The following COL12A1 variants were observed in gnomAD, a reference collection of about 807,000 sequenced individuals.
The protein encoded by COL12A1 is collagen alpha-1(XII) chain.
A neutral mutation model predicts 349.7 loss-of-function variants in COL12A1; 114 were observed. The ratio of observed to expected loss-of-function variants is 0.33; its 90% CI spans 0.28 to 0.38. The LOEUF is 0.38. Among genes scored for constraint, COL12A1 ranks in the 10% least tolerant of loss-of-function variants. COL12A1 has a pLI of 1.00. For synonymous variants in COL12A1, 1,369 were observed against 1,329.0 expected, an observed-to-expected ratio of 1.03 and a Z score of -0.66; for missense variants, 3,284 against 3,756.9, an observed-to-expected ratio of 0.87 and a Z score of 3.29.
chr6:75,089,966 G>T, intron 63 of COL12A1, 144 bp downstream of exon 63: 2 of 745,516 alleles, frequency 2.7e-6, no homozygotes, highest in Non-Finnish European at 4.5e-6. Context: ...CCTATGAGTT[G>T]CCTAACAGCT....
Position 75,102,330 on chromosome 6 carries a change from G to A in COL12A1, c.8415+267C>T, listed in dbSNP as rs981945762. On this transcript the variant is annotated intron_variant, in intron 56 of 65. Transcript: ENST00000322507. ...ATTATACCTACCTTAAAAGAATATA[G>A]TTTAACATAGGGGATATCTACTTTA... Among the ~76,000 whole-genome samples, 4 of 152,134 alleles carry A rather than the reference G, an allele frequency of 2.6e-5. No individual in the cohort carries two copies. The East Asian group carries it at 5.8e-4, about 22-fold the overall frequency.
At chr6:75,183,028 T>A in intron 10 of COL12A1, 22 bp downstream of exon 10, 1 of 1,557,220 alleles carries the variant, frequency 6.4e-7, no homozygotes, top group South Asian at 1.2e-5. Context: ...AGAAATAACT[T>A]TTACTCTCAA....
chr6:75,156,952 T>C (rs1767799536), intron 14 of COL12A1, among the ~76,000 whole-genome samples: 1 of 152,164 alleles, frequency 6.6e-6, no homozygotes, highest in Non-Finnish European at 1.5e-5. Flanking sequence ...TTGCAATCCA[T>C]AAATAACTAG....
chr6:75,142,492 T>C (rs1766949363), intron 26 of COL12A1, among the ~76,000 whole-genome samples: 2 of 152,244 alleles, frequency 1.3e-5, no homozygotes, highest in South Asian at 4.1e-4. Flanking sequence ...ACAGCATTAC[T>C]TCATTTGCTA....
chr6:75,154,668 A>G (rs1767665076), intron 16 of COL12A1, 131 bp from the exon 17 acceptor site: 2 of 837,824 alleles, frequency 2.4e-6, no homozygotes, highest in Non-Finnish European at 3.3e-6. Flanking sequence ...AGTGTACAAC[A>G]TTATAAGAGA....
chr6:75,183,832 A>T (rs1294223705), intron 9 of COL12A1, 22 bp downstream of exon 9: 1 of 1,609,440 alleles, frequency 6.2e-7, no homozygotes, highest in South Asian at 1.1e-5. Flanking sequence ...TTCCAAATAC[A>T]ATGATGCACA....
intron 10 of COL12A1, 25 bp downstream of exon 10, chr6:75,183,025 A>G: frequency 6.4e-7 from 1 of 1,551,892 alleles, no homozygotes; most frequent in Non-Finnish European, 8.7e-7. Flanking sequence ...TGAAGAAATA[A>G]CTTTTACTCT....
chr6:75,106,893 C>CTTTTTTTTTTTTTTTTTTTT (rs1554169054), intron 52 of COL12A1, among the ~76,000 whole-genome samples: 1 of 89,468 alleles, frequency 1.1e-5, no homozygotes, highest in African/African-American at 3.8e-5. Context: ...TTTCTTTTTT[C>CTTTTTTTTTTTTTTTTTTTT]TTTTTCTTTT....
intron 30 of COL12A1, among the ~76,000 whole-genome samples, chr6:75,137,821 TG>T (rs1444506886): frequency 9.9e-5 from 15 of 152,078 alleles, no homozygotes; most frequent in Middle Eastern, 6.8e-3. Flanking sequence ...TATTGAGAGA[TG>T]GGGCCTTTGG....
At chr6:75,189,846 T>C in intron 5 of COL12A1, 31 bp from the exon 6 acceptor site, 4 of 1,601,362 alleles carry the variant, frequency 2.5e-6, no homozygotes, top group African/African-American at 1.3e-5. Context: ...TTTTAAATGA[T>C]GCTTTATTAA....
chr6:75,102,658 G>A lies in COL12A1; in HGVS notation c.8354C>T (p.Pro2785Leu), dbSNP rs1160043441. Reference sequence around the variant, plus strand: ...AGGGCCTGGAGGACCCTGGGGGCCTGGAGGACCTATGTCTCCACGAGGACC... The same window carrying A: ...AGGGCCTGGAGGACCCTGGGGGCCTAGAGGACCTATGTCTCCACGAGGACC... The part of the protein sequence containing the change: ...PPGPRGDIGP[P>L]GPQGPPGPQG... Residue 2785 changes from proline to leucine, a missense_variant, in exon 56 of 66, where the codon CCA becomes CTA. By Grantham distance (98) the Pro-to-Leu change is moderately conservative. This residue lies in a region of COL12A1 where 683 missense variants were observed against 932.1 expected (regional missense o/e 0.73). Transcript: ENST00000322507. The A allele has an allele frequency of 3.2e-6, 5 of 1,571,800 alleles. No individual in the cohort carries two copies. The highest frequency in any genetic ancestry group is 4.3e-6 in the Non-Finnish European group (5 of 1,160,320).
chr6:75,128,393 T>C lies in COL12A1; in HGVS notation c.6243A>G (p.Ile2081Met), dbSNP rs1766123299. ...GAGTGTCAGGTTGCAGGGGCTGCAG[T>C]ATTACATTGTTTCTTCTGCCTGGGA... ...TTVPGRRNNV[I>M]LQPLQPDTPY... is the part of the protein sequence containing the mutation. The change falls in exon 38 of 66, where the codon ATA becomes ATG. Residue 2081 changes from isoleucine to methionine, a missense_variant. By Grantham distance (10) the Ile-to-Met change is conservative (BLOSUM62 1). Around this residue, in one of 2 missense-constraint regions of COL12A1, gnomAD observed 2,601 missense variants for 2,824.8 expected, o/e 0.92. Transcript: ENST00000322507. 1 of 1,606,334 alleles carries C rather than the reference T, an allele frequency of 6.2e-7. No individual in the cohort carries two copies. The highest frequency in any genetic ancestry group is 8.5e-7 in the Non-Finnish European group (1 of 1,176,442).
chr6:75,095,237 G>C, intron 59 of COL12A1, 58 bp from the exon 60 acceptor site: 11 of 1,316,240 alleles, frequency 8.4e-6, no homozygotes, highest in Non-Finnish European at 1.2e-5. Context: ...CCCATCTAAA[G>C]TAAATGAATA....
chr6:75,110,881 TA>T (rs1164789475), intron 51 of COL12A1, among the ~76,000 whole-genome samples: 1 of 151,914 alleles, frequency 6.6e-6, no homozygotes, highest in South Asian at 2.1e-4. Context: ...CTTGGCTCAG[TA>T]AAAAAATGTG....
intron 19 of COL12A1, 27 bp downstream of exon 19, chr6:75,152,104 A>G: frequency 6.2e-7 from 1 of 1,613,822 alleles, no homozygotes. Flanking sequence ...GCATGAGCTG[A>G]AAGACTGTCA....
At chr6:75,148,074 A>G (rs972484251) in intron 22 of COL12A1, among the ~76,000 whole-genome samples, 4 of 152,096 alleles carry the variant, frequency 2.6e-5, no homozygotes, top group Admixed American at 2.0e-4. Flanking sequence ...CTACAAATTC[A>G]TAAATAAATC....
At chr6:75,149,667 C>G (rs923543499) in intron 21 of COL12A1, among the ~76,000 whole-genome samples, 2 of 152,062 alleles carry the variant, frequency 1.3e-5, no homozygotes, top group Non-Finnish European at 2.9e-5. Context: ...GCAAATCATT[C>G]TCGTATAAAC....
chr6:75,154,270 A>AT (rs531308097), intron 17 of COL12A1, 146 bp downstream of exon 17: 23 of 917,260 alleles, frequency 2.5e-5, no homozygotes, highest in Non-Finnish European at 3.2e-5. Context: ...TGTTTGAAGA[A>AT]TTTTTTTGCT....
chr6:75,175,808 A>G (rs114392264), intron 12 of COL12A1, among the ~76,000 whole-genome samples: 269 of 152,382 alleles, frequency 1.8e-3, no homozygotes, highest in African/African-American at 6.2e-3. Flanking sequence ...GGGGAAAAAA[A>G]GTAAGAGAAA....
Sources: gnomAD v4.1 joint callset for allele counts (sites outside exome capture counted in the v4.1 genomes callset) on GRCh38, gnomAD v4.1.1 for gene constraint, gnomAD v4.1.1 regional missense constraint, MANE v1.5 for transcripts, NCBI Gene and HGNC (gene_info 2026-07-23, HGNC 2026-07-21) for gene names.